The following RNF150 variants were observed in gnomAD, a reference collection of about 807,000 sequenced individuals.
RNF150 encodes ring finger protein 150.
Under a neutral mutation model 39.3 loss-of-function variants are expected in RNF150, and 24 were observed. That is an observed-to-expected ratio of 0.61 (90% CI 0.44 to 0.86). RNF150 has a LOEUF of 0.86. Among genes scored for constraint, RNF150 ranks in the 40% least tolerant of loss-of-function variants. The pLI is 0.00. For synonymous variants in RNF150, 255 were observed against 227.3 expected (o/e 1.12, Z -1.10); for missense variants, 502 against 587.8 (o/e 0.85, Z 1.51).
At chr4:141,167,335 T>C (rs556031627) in intron 1 of RNF150, among the ~76,000 whole-genome samples, 3 of 152,214 alleles carry the variant, frequency 2.0e-5, no homozygotes, top group Admixed American at 2.0e-4. Flanking sequence ...GCTCATGGAT[T>C]GGAAGAATCA....
intron 1 of RNF150, among the ~76,000 whole-genome samples, chr4:141,111,581 G>A (rs115705075): frequency 1.5e-3 from 230 of 152,278 alleles, no homozygotes; most frequent in African/African-American, 5.2e-3. Context: ...AATCTTACAA[G>A]TGAAAGTACT....
chr4:141,125,167 T>C (rs1192588537), intron 1 of RNF150, among the ~76,000 whole-genome samples: 1 of 152,214 alleles, frequency 6.6e-6, no homozygotes, highest in East Asian at 1.9e-4. Flanking sequence ...TATTTTGGCT[T>C]CAATATACAA....
intron 1 of RNF150, among the ~76,000 whole-genome samples, chr4:141,118,670 C>A (rs1293155329): frequency 6.6e-6 from 1 of 152,180 alleles, no homozygotes; most frequent in Non-Finnish European, 1.5e-5. Flanking sequence ...CATTCCTTTG[C>A]AAAGTGATGC....
chr4:140,960,300 C>T (rs1304530533), intron 2 of RNF150, among the ~76,000 whole-genome samples: 2 of 152,102 alleles, frequency 1.3e-5, no homozygotes, highest in Non-Finnish European at 2.9e-5. Context: ...CTGTGTGATA[C>T]TGTGATATAT....
chr4:140,966,665 TA>T (rs946130636), intron 2 of RNF150, among the ~76,000 whole-genome samples: 19 of 151,888 alleles, frequency 1.3e-4, no homozygotes, highest in African/African-American at 2.2e-4. Flanking sequence ...TCACTAACAA[TA>T]AAAAAAAGTT....
At chr4:141,198,068 C>T (rs1728232428) in intron 1 of RNF150, among the ~76,000 whole-genome samples, 1 of 149,824 alleles carries the variant, frequency 6.7e-6, no homozygotes, top group South Asian at 2.1e-4. Context: ...CTCTTGTTGC[C>T]CAGGCTGGAG....
intron 1 of RNF150, among the ~76,000 whole-genome samples, chr4:141,036,853 C>T (rs1736167151): frequency 6.6e-6 from 1 of 152,146 alleles, no homozygotes; most frequent in African/African-American, 2.4e-5. Flanking sequence ...AACAGCATAG[C>T]ACAACTTAAA....
At chr4:140,987,542 T>A (rs780742502) in intron 1 of RNF150, among the ~76,000 whole-genome samples, 1 of 152,110 alleles carries the variant, frequency 6.6e-6, no homozygotes, top group Non-Finnish European at 1.5e-5. Flanking sequence ...TAACTGGTGC[T>A]GGGATAGCTA....
intron 1 of RNF150, among the ~76,000 whole-genome samples, chr4:140,992,363 C>T (rs1191792767): frequency 6.6e-6 from 1 of 151,872 alleles, no homozygotes; most frequent in East Asian, 1.9e-4. Context: ...AGTGAGATCC[C>T]ATCTCTACAA....
rs148510037 is a variant in RNF150 at position 140,991,573 on chromosome 4, C to T, written c.485-23700G>A. Among the ~76,000 whole-genome samples, 23 of 152,068 alleles carry T rather than the reference C, an allele frequency of 1.5e-4. 1 individual carries two copies. Among genetic ancestry groups the T allele is most frequent in the African/African-American group, 5.5e-4 (23 of 41,490 alleles). On this transcript the variant is annotated intron_variant, in intron 1 of 6. Coordinates refer to ENST00000515673, the MANE Select transcript of RNF150 (RefSeq NM_020724.2). ...TAATTTCTGGAGCCTCAGAACCATG[C>T]CAACACATTACAACCATAAAACTTC... is the stretch of plus-strand genomic sequence containing the variant.
chr4:141,077,687 T>C (rs533455924), intron 1 of RNF150, among the ~76,000 whole-genome samples: 2 of 152,356 alleles, frequency 1.3e-5, no homozygotes, highest in Non-Finnish European at 2.9e-5. Context: ...GATTCCAGCC[T>C]TCTTTTCCTT....
chr4:141,173,717 A>G (rs1043029113), intron 1 of RNF150, among the ~76,000 whole-genome samples: 7 of 152,218 alleles, frequency 4.6e-5, no homozygotes, highest in Non-Finnish European at 1.0e-4. Context: ...TAGTGTTTTT[A>G]CACTTTGGAC....
At chr4:141,179,445 C>A (rs1340425876) in intron 1 of RNF150, among the ~76,000 whole-genome samples, 2 of 152,080 alleles carry the variant, frequency 1.3e-5, no homozygotes, top group Non-Finnish European at 2.9e-5. Flanking sequence ...ATTCTGTATT[C>A]TTTTGAAGGC....
chr4:140,904,894 A>G (rs1730319255), intron 6 of RNF150, among the ~76,000 whole-genome samples: 1 of 152,234 alleles, frequency 6.6e-6, no homozygotes, highest in Non-Finnish European at 1.5e-5. Context: ...CCAACTTAAA[A>G]AATATAAGAA....
intron 6 of RNF150, among the ~76,000 whole-genome samples, chr4:140,873,609 T>G (rs1729037803): frequency 6.6e-6 from 1 of 152,232 alleles, no homozygotes; most frequent in South Asian, 2.1e-4. Flanking sequence ...AGTCATCTCA[T>G]TCTCTGTCTT....
At chr4:141,165,002 C>A (rs948070168) in intron 1 of RNF150, among the ~76,000 whole-genome samples, 19 of 152,208 alleles carry the variant, frequency 1.2e-4, no homozygotes, top group Admixed American at 1.2e-3. Context: ...CACAGACGGG[C>A]AAATTGGATA....
At position 141,002,376 on chromosome 4, in the gene RNF150, A is replaced by G. The variant is rs148120934; in HGVS notation, c.485-34503T>C. On this transcript the variant is annotated intron_variant, in intron 1 of 6. Transcript: ENST00000515673. ...AGCCTCTCATTCTAAGAACAGATCTATGATGTCAACCCTTAATCCATCTGC... is the reference window on the plus strand; with the variant it reads ...AGCCTCTCATTCTAAGAACAGATCTGTGATGTCAACCCTTAATCCATCTGC... Among the ~76,000 whole-genome samples the G allele has an allele frequency of 2.0e-5, 3 of 152,198 alleles. No homozygotes were observed. In the East Asian group the frequency reaches 5.8e-4, roughly 29 times the overall value.
intron 5 of RNF150, among the ~76,000 whole-genome samples, chr4:140,922,771 G>C (rs1335498669): frequency 4.0e-5 from 6 of 151,774 alleles, no homozygotes; most frequent in Admixed American, 6.6e-5. Context: ...CCAAAACAGA[G>C]ATATAGACCA....
intron 1 of RNF150, among the ~76,000 whole-genome samples, chr4:141,086,896 T>C (rs947871630): frequency 1.3e-5 from 2 of 152,114 alleles, no homozygotes; most frequent in Non-Finnish European, 2.9e-5. Context: ...TTTCTTTCTC[T>C]CTTCTCTGTA....
Sources: allele counts gnomAD v4.1 joint callset (sites outside exome capture counted in the v4.1 genomes callset), GRCh38; gene constraint gnomAD v4.1.1; transcripts MANE v1.5; gene names NCBI Gene and HGNC (gene_info 2026-07-23, HGNC 2026-07-21).